The following WWP2 variants were observed in gnomAD, a reference collection of about 807,000 sequenced individuals.
WWP2 encodes the protein WW domain containing E3 ubiquitin protein ligase 2, also known as NEDD4-like E3 ubiquitin-protein ligase WWP2.
WWP2 carries 57 observed loss-of-function variants against 121.0 expected under a neutral mutation model. The ratio of observed to expected loss-of-function variants is 0.47; its 90% CI spans 0.38 to 0.59. The LOEUF is 0.59. WWP2 is among the 20% of genes least tolerant of loss of function. WWP2 has a pLI of 0.00. For missense variants in WWP2, 962 were observed against 1,158.9 expected (o/e 0.83, Z 2.47); for synonymous variants, 449 against 441.3 (o/e 1.02, Z -0.22).
At chr16:69,796,849 T>G (rs1002845777) in intron 2 of WWP2, among the ~76,000 whole-genome samples, 1 of 152,218 alleles carries the variant, frequency 6.6e-6, no homozygotes, top group African/African-American at 2.4e-5. Flanking sequence ...CTTCCTCCCT[T>G]CTGTTCCTTT....
chr16:69,842,809 G>A (rs1185182889), intron 6 of WWP2, among the ~76,000 whole-genome samples: 1 of 152,056 alleles, frequency 6.6e-6, no homozygotes, highest in Non-Finnish European at 1.5e-5. Flanking sequence ...AGCTGAGACA[G>A]CAGGCATGTG....
chr16:69,922,708 A>G (rs929479891), intron 10 of WWP2, among the ~76,000 whole-genome samples: 1 of 151,858 alleles, frequency 6.6e-6, no homozygotes, highest in Non-Finnish European at 1.5e-5. Context: ...TTTATTTTTC[A>G]TTTCTTCTTG....
chr16:69,936,345 G>A lies in WWP2; in HGVS notation c.2010G>A (p.Leu670=). 1.2e-6 allele frequency: 2 copies of A among 1,614,130 alleles called. No individual in the cohort carries two copies. Among genetic ancestry groups the A allele is most frequent in the South Asian group, 1.1e-5 (1 of 91,076 alleles). ...ACCTGGAAGAATGTGGCCTGGAGCT[G>A]TACTTCATCCAGGACATGGAGATAC... ...ENNLEECGLE[L]YFIQDMEILG... is the part of the protein sequence containing the mutation. Residue 670 remains leucine, a synonymous_variant, in exon 19 of 24, where the codon CTG becomes CTA. Coordinates refer to ENST00000359154, the MANE Select transcript of WWP2 (RefSeq NM_001270454.2).
chr16:69,765,244 C>CT (rs961375578), intron 1 of WWP2, among the ~76,000 whole-genome samples: 101 of 151,408 alleles, frequency 6.7e-4, no homozygotes, highest in South Asian at 2.3e-3. Flanking sequence ...ACCTTTTTGT[C>CT]TTTTTTTTTC....
At chr16:69,791,510 A>G (rs918215859) in intron 2 of WWP2, among the ~76,000 whole-genome samples, 1 of 151,392 alleles carries the variant, frequency 6.6e-6, no homozygotes, top group Admixed American at 6.6e-5. Flanking sequence ...TTACAGGCGT[A>G]AGCCACTGCA....
chr16:69,891,967 C>G (rs745516118), intron 8 of WWP2, among the ~76,000 whole-genome samples: 2 of 152,184 alleles, frequency 1.3e-5, no homozygotes, highest in South Asian at 4.1e-4. Context: ...ACTGATCCTG[C>G]TTTGCATTTA....
At chr16:69,865,514 G>T (rs183369045) in intron 6 of WWP2, among the ~76,000 whole-genome samples, 1 of 152,176 alleles carries the variant, frequency 6.6e-6, no homozygotes, top group South Asian at 2.1e-4. Flanking sequence ...TTTCTAAAGG[G>T]GGGGTACCAT....
chr16:69,804,160 C>T (rs1318169753), intron 4 of WWP2, among the ~76,000 whole-genome samples: 1 of 152,078 alleles, frequency 6.6e-6, no homozygotes, highest in Non-Finnish European at 1.5e-5. Flanking sequence ...TGCATTCTAA[C>T]TTTGTATGTT....
At chr16:69,834,570 C>G (rs2056843606) in intron 4 of WWP2, among the ~76,000 whole-genome samples, 1 of 149,248 alleles carries the variant, frequency 6.7e-6, no homozygotes, top group African/African-American at 2.5e-5. Flanking sequence ...TCTTGTTGCC[C>G]AGGCTGTGTG....
At chr16:69,933,890 A>G (rs2058756825) in intron 16 of WWP2, 80 bp from the exon 17 acceptor site, 4 of 1,515,226 alleles carry the variant, frequency 2.6e-6, no homozygotes, top group Admixed American at 1.7e-5. Context: ...CTGAGACACG[A>G]TGGTGAAGAG....
At chr16:69,801,734 C>T (rs1224675993) in intron 4 of WWP2, among the ~76,000 whole-genome samples, 1 of 152,052 alleles carries the variant, frequency 6.6e-6, no homozygotes, top group Non-Finnish European at 1.5e-5. Context: ...TTGATGTATA[C>T]ATTTTTGAGC....
Position 69,762,369 on chromosome 16 carries a change from C to T in WWP2, c.-38C>T, listed in dbSNP as rs1302708348. ...AGGCGGAAGTAGGAGAGGAGTTCGG[C>T]GCCGCTTCTGTGGCCACGGCAGGTA... On this transcript the variant is annotated 5_prime_UTR_variant, in exon 1 of 24. Coordinates refer to ENST00000359154, the MANE Select transcript of WWP2 (RefSeq NM_001270454.2). 6.6e-6 allele frequency: 1 copy of T among 151,352 alleles called. No homozygotes were observed. Among genetic ancestry groups the T allele is most frequent in the Non-Finnish European group, 1.5e-5 (1 of 67,664 alleles). 9.4% of individuals were successfully genotyped at this position (151,352 alleles called of 1,614,324 possible).
chr16:69,930,398 G>A, intron 13 of WWP2, 140 bp downstream of exon 13: 2 of 1,355,790 alleles, frequency 1.5e-6, no homozygotes, highest in Non-Finnish European at 2.0e-6. Context: ...CAATGTTGAT[G>A]TCATATTAAA....
At chr16:69,803,174 T>C (rs573779964) in intron 4 of WWP2, among the ~76,000 whole-genome samples, 1 of 152,178 alleles carries the variant, frequency 6.6e-6, no homozygotes, top group East Asian at 1.9e-4. Context: ...GGCTGAATTA[T>C]TTTTATTTTC....
chr16:69,853,300 C>T (rs1156918561), intron 6 of WWP2, among the ~76,000 whole-genome samples: 1 of 152,184 alleles, frequency 6.6e-6, no homozygotes, highest in Non-Finnish European at 1.5e-5. Context: ...TCTTTGGTTA[C>T]AGGCTCACAG....
chr16:69,793,578 G>C lies in WWP2; in HGVS notation c.71-5104G>C, dbSNP rs529947228. On this transcript the variant is annotated intron_variant, in intron 2 of 23. Coordinates refer to ENST00000359154, the MANE Select transcript of WWP2 (RefSeq NM_001270454.2). ...ATGAGATTATAGAGGTGTGGAAAAT[G>C]GTCCTGTGCTGAGTCCACTTCTGGG... 3.3e-5 allele frequency among the ~76,000 whole-genome samples: 5 copies of C among 152,090 alleles called. No individual in the cohort carries two copies. The South Asian group carries it at 1.0e-3, about 32-fold the overall frequency.
intron 7 of WWP2, among the ~76,000 whole-genome samples, chr16:69,875,860 C>T (rs375373615): frequency 1.3e-5 from 2 of 152,150 alleles, no homozygotes; most frequent in African/African-American, 4.8e-5. Flanking sequence ...CTTCCAAACT[C>T]CTGTTGTGTT....
rs2151982100 is a variant in WWP2, at chr16:69,925,185, G to A, written c.1180-245G>A. The A allele has an allele frequency of 3.0e-6, 4 of 1,330,334 alleles. No individual in the cohort carries two copies. Among genetic ancestry groups the A allele is most frequent in the Non-Finnish European group, 3.9e-6 (4 of 1,038,720 alleles). 82.4% of individuals were successfully genotyped at this position (1,330,334 alleles called of 1,614,324 possible). On this transcript the variant is annotated intron_variant, in intron 10 of 23. Transcript: ENST00000359154. This position sits in a 1 kb window ranked among gnomAD's most constrained non-coding sequence, Gnocchi z 4.0. Reference sequence around the variant, plus strand: ...CGTACCGCCTCCTCCCCGTCGCTCTGCCTTTTCCAAAACTCACTTGGGCCC... The same window carrying A: ...CGTACCGCCTCCTCCCCGTCGCTCTACCTTTTCCAAAACTCACTTGGGCCC...
chr16:69,923,938 C>T (rs1410406726), intron 10 of WWP2, among the ~76,000 whole-genome samples: 1 of 151,450 alleles, frequency 6.6e-6, no homozygotes, highest in Non-Finnish European at 1.5e-5. Flanking sequence ...GCCCCCATGA[C>T]TTGGAATTCG....
Sources: gnomAD v4.1 joint callset for allele counts (sites outside exome capture counted in the v4.1 genomes callset) on GRCh38, gnomAD v4.1.1 for gene constraint, Gnocchi (gnomAD v3.1) non-coding constraint, MANE v1.5 for transcripts, NCBI Gene and HGNC (gene_info 2026-07-23, HGNC 2026-07-21) for gene names.